Variants in SCAPER observed in about 807,000 individuals in gnomAD.
The protein encoded by SCAPER is S-phase cyclin A associated protein in the ER, also known as S phase cyclin A-associated protein in the endoplasmic reticulum.
In SCAPER, 98 loss-of-function variants were observed where a neutral mutation model predicts 182.2. The observed-to-expected ratio is 0.54, with a 90% CI of 0.46 to 0.64. The LOEUF (loss-of-function observed/expected upper bound fraction) is 0.64. SCAPER is among the 30% of genes least tolerant of loss of function. The pLI, the probability that SCAPER is intolerant of heterozygous loss-of-function variation, is 0.00. For missense variants in SCAPER, 1,432 were observed against 1,690.0 expected (o/e 0.85, Z 2.68); for synonymous variants, 605 against 564.6 (o/e 1.07, Z -1.01).
intron 25 of SCAPER, among the ~76,000 whole-genome samples, chr15:76,441,813 A>T (rs1196187019): frequency 6.6e-6 from 1 of 152,124 alleles, no homozygotes. Flanking sequence ...CATACTGTAC[A>T]TTATTTCCTC....
chr15:76,714,605 C>T (rs2059787724), intron 17 of SCAPER, among the ~76,000 whole-genome samples: 1 of 151,342 alleles, frequency 6.6e-6, no homozygotes, highest in Non-Finnish European at 1.5e-5. Context: ...ATAAAAGGGG[C>T]TTTTGGGGAG....
intron 6 of SCAPER, among the ~76,000 whole-genome samples, chr15:76,801,648 G>A (rs1432929098): frequency 1.3e-5 from 2 of 151,102 alleles, no homozygotes; most frequent in Non-Finnish European, 3.0e-5. Context: ...AGCCAGGCAT[G>A]GTGGCCCATT....
At chr15:76,587,312 T>C (rs1304940636) in intron 22 of SCAPER, among the ~76,000 whole-genome samples, 2 of 152,192 alleles carry the variant, frequency 1.3e-5, no homozygotes, top group Non-Finnish European at 2.9e-5. Context: ...ATCTTGGTTA[T>C]TTCTTTTCTT....
At chr15:76,876,115 C>G (rs1323097502) in intron 2 of SCAPER, among the ~76,000 whole-genome samples, 1 of 152,218 alleles carries the variant, frequency 6.6e-6, no homozygotes, top group African/African-American at 2.4e-5. Flanking sequence ...AGTACAGGAG[C>G]CCGCCAAGCC....
intron 4 of SCAPER, among the ~76,000 whole-genome samples, chr15:76,848,355 G>A (rs2070352144): frequency 7.2e-6 from 1 of 138,546 alleles, no homozygotes; most frequent in Admixed American, 7.4e-5. Flanking sequence ...TTGACACAGA[G>A]TCTCGCTCTG....
intron 20 of SCAPER, among the ~76,000 whole-genome samples, chr15:76,683,646 A>G (rs1434317198): frequency 6.6e-6 from 1 of 152,080 alleles, no homozygotes. Flanking sequence ...AAAAAATGTT[A>G]AAGGTAGCTA....
chr15:76,887,057 T>C (rs2073878906), intron 1 of SCAPER, among the ~76,000 whole-genome samples: 1 of 152,062 alleles, frequency 6.6e-6, no homozygotes, highest in Non-Finnish European at 1.5e-5. Context: ...GGGTACTAGG[T>C]TGAATACTTA....
At chr15:76,640,948 G>C (rs563596546) in intron 21 of SCAPER, among the ~76,000 whole-genome samples, 1 of 152,318 alleles carries the variant, frequency 6.6e-6, no homozygotes, top group African/African-American at 2.4e-5. Context: ...GATGTTCATA[G>C]CTCTGGGAAT....
At chr15:76,487,538 C>G (rs774061453) in intron 24 of SCAPER, among the ~76,000 whole-genome samples, 2 of 152,114 alleles carry the variant, frequency 1.3e-5, no homozygotes, top group African/African-American at 2.4e-5. Context: ...TTAGTAACAA[C>G]ATATCAATGT....
intron 5 of SCAPER, among the ~76,000 whole-genome samples, chr15:76,833,818 A>T (rs1447848395): frequency 1.3e-5 from 2 of 152,246 alleles, no homozygotes; most frequent in Non-Finnish European, 2.9e-5. Flanking sequence ...TAACTGTCTT[A>T]AACATATATG....
intron 22 of SCAPER, among the ~76,000 whole-genome samples, chr15:76,591,892 T>C (rs565053042): frequency 6.6e-6 from 1 of 152,146 alleles, no homozygotes; most frequent in East Asian, 1.9e-4. Flanking sequence ...AAACCCCATA[T>C]CTACAAAAAA....
intron 27 of SCAPER, among the ~76,000 whole-genome samples, chr15:76,396,160 G>A (rs1486000877): frequency 6.6e-6 from 1 of 152,068 alleles, no homozygotes; most frequent in Non-Finnish European, 1.5e-5. Flanking sequence ...TTGTTTCTGG[G>A]TTCTCTATTC....
At chr15:76,701,965 C>T in intron 19 of SCAPER, 100 bp from the exon 20 acceptor site, 1 of 711,626 alleles carries the variant, frequency 1.4e-6, no homozygotes, top group East Asian at 2.8e-5. Flanking sequence ...TTGAGATCCA[C>T]CTAGTATTTA....
At chr15:76,485,427 A>G (rs2051534775) in intron 24 of SCAPER, among the ~76,000 whole-genome samples, 1 of 152,264 alleles carries the variant, frequency 6.6e-6, no homozygotes, top group South Asian at 2.1e-4. Context: ...TATGGATAGA[A>G]AGACTCAATA....
intron 22 of SCAPER, among the ~76,000 whole-genome samples, chr15:76,603,223 C>A (rs1300240268): frequency 1.7e-5 from 2 of 118,052 alleles, no homozygotes; most frequent in African/African-American, 5.1e-5. Context: ...GTGTGATGTT[C>A]CCCTTCCTGT....
chr15:76,815,422 T>C (rs1259445663), intron 5 of SCAPER, among the ~76,000 whole-genome samples: 1 of 152,120 alleles, frequency 6.6e-6, no homozygotes, highest in African/African-American at 2.4e-5. Context: ...CACACATACA[T>C]ACAGTCAAGC....
intron 11 of SCAPER, among the ~76,000 whole-genome samples, chr15:76,765,981 T>C (rs1161806088): frequency 1.3e-5 from 2 of 152,178 alleles, no homozygotes; most frequent in African/African-American, 4.8e-5. Flanking sequence ...AATAAACCAA[T>C]ATGTAAAACA....
intron 8 of SCAPER, among the ~76,000 whole-genome samples, chr15:76,776,438 G>A (rs1290237178): frequency 6.6e-6 from 1 of 151,752 alleles, no homozygotes; most frequent in Non-Finnish European, 1.5e-5. Context: ...AGCATCAGTA[G>A]GGCCCAATAG....
At chr15:76,693,594 A>G (rs547901480) in intron 20 of SCAPER, among the ~76,000 whole-genome samples, 1 of 152,336 alleles carries the variant, frequency 6.6e-6, no homozygotes, top group African/African-American at 2.4e-5. Flanking sequence ...TGTGTCTACC[A>G]ACAGATGAAT....
Sources: allele counts gnomAD v4.1 joint callset (sites outside exome capture counted in the v4.1 genomes callset), GRCh38; gene constraint gnomAD v4.1.1; transcripts MANE v1.5; gene names NCBI Gene and HGNC (gene_info 2026-07-23, HGNC 2026-07-21).